Variants in MED13L observed in about 807,000 individuals in gnomAD.
The protein encoded by MED13L is mediator complex subunit 13L.
In MED13L, 7 loss-of-function variants were observed where a neutral mutation model predicts 220.9. That is an observed-to-expected ratio of 0.03 (90% CI 0.02 to 0.06). The LOEUF (loss-of-function observed/expected upper bound fraction) is 0.06. Among genes scored for constraint, MED13L ranks in the 10% least tolerant of loss-of-function variants. The pLI, the probability that MED13L is intolerant of heterozygous loss-of-function variation, is 1.00. For synonymous variants in MED13L, 1,011 were observed against 1,015.2 expected (o/e 1.00, Z 0.08); for missense variants, 1,965 against 2,760.5 (o/e 0.71, Z 6.46).
At chr12:116,024,429 T>C (rs771266651) in intron 4 of MED13L, among the ~76,000 whole-genome samples, 27 of 152,166 alleles carry the variant, frequency 1.8e-4, no homozygotes, top group Non-Finnish European at 3.5e-4. Flanking sequence ...AAAGAACAAA[T>C]GAAAATTTGA....
chr12:116,250,155 GATA>G (rs1316056262), intron 1 of MED13L, among the ~76,000 whole-genome samples: 2 of 147,696 alleles, frequency 1.4e-5, no homozygotes, highest in East Asian at 4.0e-4. Flanking sequence ...AAAAAACAAA[GATA>G]ATATTAACTA....
At chr12:116,143,153 A>G (rs1368168848) in intron 2 of MED13L, among the ~76,000 whole-genome samples, 1 of 152,110 alleles carries the variant, frequency 6.6e-6, no homozygotes, top group Non-Finnish European at 1.5e-5. Context: ...CTGTTTACAT[A>G]CTGTAGAATA....
intron 1 of MED13L, among the ~76,000 whole-genome samples, chr12:116,249,639 G>C (rs1213149778): frequency 6.9e-6 from 1 of 144,520 alleles, no homozygotes; most frequent in Non-Finnish European, 1.5e-5. Flanking sequence ...AGAAATGGGG[G>C]ATTTTTTTAA....
intron 2 of MED13L, among the ~76,000 whole-genome samples, chr12:116,117,042 C>T (rs752656182): frequency 6.6e-6 from 1 of 151,722 alleles, no homozygotes; most frequent in African/African-American, 2.4e-5. Context: ...ATGCCAAAAA[C>T]TGGAAACCAT....
chr12:115,991,063 A>G lies in MED13L; in HGVS notation c.3891T>C (p.Ala1297=). 2 of 1,614,178 alleles carry G rather than the reference A, an allele frequency of 1.2e-6. No homozygotes were observed. The highest frequency in any genetic ancestry group is 1.7e-6 in the Non-Finnish European group (2 of 1,180,026). Residue 1297 remains alanine, a synonymous_variant, in exon 17 of 31, where the codon GCT becomes GCC. Transcript: ENST00000281928. The surrounding 1 kb of genome is among the most constrained non-coding windows in gnomAD (Gnocchi z 7.7). ...AGTGCACAGTGGCACTTCTCACCAG[A>G]GCTTCGTCCACTTTTCCACCAGTGG... is the stretch of plus-strand genomic sequence containing the variant. ...DNPTGGKVDE[A]LVRSATVHSW... is the part of the protein sequence containing the mutation.
chr12:116,078,387 ATTAACT>A (rs1870984731), intron 4 of MED13L, among the ~76,000 whole-genome samples: 1 of 152,202 alleles, frequency 6.6e-6, no homozygotes, highest in Admixed American at 6.5e-5. Flanking sequence ...AATTATAAAC[ATTAACT>A]TTATTAGTGA....
chr12:116,120,518 CACAG>C (rs1369955420), intron 2 of MED13L, among the ~76,000 whole-genome samples: 1 of 147,038 alleles, frequency 6.8e-6, no homozygotes, highest in East Asian at 2.0e-4. Context: ...CACACACACA[CACAG>C]AGTAAGATTT....
chr12:116,018,640 A>C (rs61562746), intron 7 of MED13L, among the ~76,000 whole-genome samples: 22,628 of 152,178 alleles, frequency 0.15, 1,894 homozygotes, highest in Middle Eastern at 0.21. Context: ...AAATGTTCCC[A>C]ATTTAAACAA....
rs1442052578 is a variant in MED13L at position 115,959,581 on chromosome 12, A to G, written c.*1685T>C. 1 of 152,632 alleles carries G rather than the reference A, an allele frequency of 6.6e-6. No homozygotes were observed. The highest frequency in any genetic ancestry group is 1.5e-5 in the Non-Finnish European group (1 of 68,040). 9.5% of individuals were successfully genotyped at this position (152,632 alleles called of 1,614,324 possible). A position where few individuals can be genotyped will look rare whatever the true frequency, so the allele number is the denominator to read the frequency against. Reference sequence around the variant, plus strand: ...CTGATTAAGAAAAAATAGCACTGCAATATTTTTAAAGTCAATTTTACACTG... The same window carrying G: ...CTGATTAAGAAAAAATAGCACTGCAGTATTTTTAAAGTCAATTTTACACTG... On this transcript the variant is annotated 3_prime_UTR_variant, in exon 31 of 31. Coordinates refer to ENST00000281928, the MANE Select transcript of MED13L (RefSeq NM_015335.5).
chr12:116,207,554 GAGTT>G (rs1386902290), intron 2 of MED13L, among the ~76,000 whole-genome samples: 3 of 152,154 alleles, frequency 2.0e-5, no homozygotes, highest in Non-Finnish European at 2.9e-5. Flanking sequence ...AACAAAAAAA[GAGTT>G]AGCATTTCTA....
chr12:115,970,193 G>C (rs1876484586), intron 27 of MED13L, among the ~76,000 whole-genome samples: 1 of 152,052 alleles, frequency 6.6e-6, no homozygotes, highest in Non-Finnish European at 1.5e-5. Context: ...ATCAAATAAG[G>C]GTTTCTCTAT....
Position 115,996,662 on chromosome 12 carries a change from T to C in MED13L, c.2810A>G (p.Lys937Arg), listed in dbSNP as rs1439447930. The stretch of plus-strand genomic sequence containing the variant: ...CACAAAAGGTTGAAAGGATGGAACT[T>C]TGTGCACATATGAAAAGTCCTGTGA... ...EEIKDFSYVHKVPSFQPFVGS... is the reference protein window; with the variant it reads ...EEIKDFSYVHRVPSFQPFVGS... Residue 937 changes from lysine to arginine, a missense_variant, in exon 16 of 31, where the codon AAA (lysine) becomes AGA (arginine). Physicochemically the swap from Lys to Arg is conservative, Grantham distance 26. Transcript: ENST00000281928. 6.8e-6 allele frequency: 11 copies of C among 1,613,842 alleles called. No homozygotes were observed. The highest frequency in any genetic ancestry group is 5.0e-5 in the Admixed American group (3 of 59,996).
At chr12:116,174,664 C>G (rs1879917616) in intron 2 of MED13L, 1 of 152,186 alleles carries the variant, frequency 6.6e-6, no homozygotes, top group Non-Finnish European at 1.5e-5. Context: ...ATAGTTGTTA[C>G]TAGCTGCCAA....
At chr12:116,258,044 C>T (rs1175203321) in intron 1 of MED13L, among the ~76,000 whole-genome samples, 2 of 152,232 alleles carry the variant, frequency 1.3e-5, no homozygotes, top group Middle Eastern at 3.4e-3. Context: ...TACCTTAGCA[C>T]TTGTACTAAA....
intron 22 of MED13L, 32 bp from the exon 23 acceptor site, chr12:115,980,970 A>T (rs924958714): frequency 1.3e-6 from 2 of 1,586,012 alleles, no homozygotes; most frequent in African/African-American, 1.3e-5. Context: ...AAAAACAAAA[A>T]CCAAAAACCT....
At chr12:116,271,467 G>A (rs1344970574) in intron 1 of MED13L, among the ~76,000 whole-genome samples, 2 of 151,806 alleles carry the variant, frequency 1.3e-5, no homozygotes, top group Non-Finnish European at 2.9e-5. Flanking sequence ...GGTGGCAGGC[G>A]CCTGTAGTCC....
chr12:116,050,176 T>C (rs1446632272), intron 4 of MED13L, among the ~76,000 whole-genome samples: 1 of 152,204 alleles, frequency 6.6e-6, no homozygotes, highest in Non-Finnish European at 1.5e-5. Flanking sequence ...AAATTATGAC[T>C]CTAAGAGTTG....
chr12:115,991,536 T>C lies in MED13L; in HGVS notation c.3418A>G (p.Ile1140Val). Residue 1140 changes from isoleucine to valine, a missense_variant, in exon 17 of 31, where the codon ATC (isoleucine) becomes GTC (valine). This residue lies in a region of MED13L where 18 missense variants were observed against 72.4 expected (regional missense o/e 0.25). Coordinates refer to ENST00000281928, the MANE Select transcript of MED13L (RefSeq NM_015335.5). The surrounding 1 kb of genome is among the most constrained non-coding windows in gnomAD (Gnocchi z 7.7). ...SCCICACNMN[I>V]KGADVGLYIP... ...TAAAGCCCGACATCCGCCCCTTTGA[T>C]GTTCATGTTGCAGGCACAGATGCAA... The C allele has an allele frequency of 6.2e-7, 1 of 1,614,122 alleles. No homozygotes were observed. The highest frequency in any genetic ancestry group is 8.5e-7 in the Non-Finnish European group (1 of 1,180,020).
intron 4 of MED13L, among the ~76,000 whole-genome samples, chr12:116,054,203 C>T (rs531166620): frequency 4.0e-5 from 6 of 148,808 alleles, no homozygotes; most frequent in African/African-American, 1.2e-4. Context: ...TACACACACA[C>T]ACACACACAA....
Sources: allele counts gnomAD v4.1 joint callset (sites outside exome capture counted in the v4.1 genomes callset), GRCh38; gene constraint gnomAD v4.1.1; regional missense constraint gnomAD v4.1.1; non-coding constraint Gnocchi (gnomAD v3.1); transcripts MANE v1.5; gene names NCBI Gene and HGNC (gene_info 2026-07-23, HGNC 2026-07-21).